CFAP47: variants seen among roughly 807,000 people sequenced by gnomAD.
The protein encoded by CFAP47 is cilia- and flagella-associated protein 47.
A neutral mutation model predicts 148.1 loss-of-function variants in CFAP47; 29 were observed. The ratio of observed to expected loss-of-function variants is 0.20; its 90% CI spans 0.15 to 0.27. The LOEUF (loss-of-function observed/expected upper bound fraction) is 0.27, where lower values mean the gene tolerates loss of function less well. Ranked by LOEUF, CFAP47 falls within the 10% of genes least tolerant of loss-of-function variation. CFAP47 has a pLI of 1.00. For missense variants in CFAP47, 1,872 were observed against 1,697.5 expected, an observed-to-expected ratio of 1.10 and a Z score of -1.81; for synonymous variants, 664 against 577.3, an observed-to-expected ratio of 1.15 and a Z score of -2.15.
Position 36,337,923 on chromosome X carries a change from G to A in CFAP47, c.8444-10206G>A, listed in dbSNP as rs931684126. On this transcript the variant is annotated intron_variant, in intron 57 of 63. Coordinates refer to ENST00000378653, the MANE Select transcript of CFAP47 (RefSeq NM_001304548.2). Reference sequence around the variant, plus strand: ...GCTCTGTCGCCCAGGCTGGAGTGCGGTGTGGCGCGATCTCGGCTCACTGCA... The same window carrying A: ...GCTCTGTCGCCCAGGCTGGAGTGCGATGTGGCGCGATCTCGGCTCACTGCA... Among the ~76,000 whole-genome samples, 4 of 97,132 alleles carry A rather than the reference G, an allele frequency of 4.1e-5. No homozygotes were observed. In the Admixed American group the frequency reaches 4.5e-4, roughly 11 times the overall value. The allele number at this position is 97,132 out of a possible 115,157, so 84.3% of individuals were successfully genotyped here. A position where few individuals can be genotyped will look rare whatever the true frequency, so the allele number is the denominator to read the frequency against.
chrX:36,100,531 G>A (rs1938358135), intron 32 of CFAP47, among the ~76,000 whole-genome samples: 1 of 111,947 alleles, frequency 8.9e-6, no homozygotes, highest in South Asian at 3.7e-4. Context: ...CCTGGTTTCA[G>A]TGCTTGAATA....
intron 50 of CFAP47, among the ~76,000 whole-genome samples, chrX:36,281,353 CTG>C (rs782282233): frequency 2.5e-4 from 28 of 112,194 alleles, no homozygotes; most frequent in Admixed American, 3.8e-4. Context: ...ATTTGTGTGT[CTG>C]TGTGTATTGA....
chrX:36,278,092 C>T (rs1556002966), intron 49 of CFAP47, among the ~76,000 whole-genome samples: 1 of 112,180 alleles, frequency 8.9e-6, no homozygotes, highest in Non-Finnish European at 1.9e-5. Flanking sequence ...AGCTCAAACA[C>T]CGTGCTGGGA....
intron 51 of CFAP47, among the ~76,000 whole-genome samples, chrX:36,295,141 A>T (rs1485829585): frequency 3.6e-5 from 4 of 112,136 alleles, no homozygotes; most frequent in African/African-American, 1.3e-4. Context: ...CCATCATTAA[A>T]CCGAAAAGAG....
rs1041633244 is a variant in CFAP47 at position 36,381,858 on chromosome X, T to A, written c.9354+2340T>A. Among the ~76,000 whole-genome samples, 6 of 110,061 alleles carry A rather than the reference T, an allele frequency of 5.5e-5. No homozygotes were observed. The East Asian group carries it at 1.7e-3, about 31-fold the overall frequency. ...ACACAGTAATATATAATACATAAGA[T>A]TATATATGATAGTGATTTCATTGAT... On this transcript the variant is annotated intron_variant, in intron 63 of 63. Coordinates refer to ENST00000378653, the MANE Select transcript of CFAP47 (RefSeq NM_001304548.2).
chrX:36,215,854 C>T lies in CFAP47; in HGVS notation c.6817+10744C>T, dbSNP rs782615562. The stretch of plus-strand genomic sequence containing the variant: ...TGTTTACCCTACCTCCATTAACTAA[C>T]CTTTGAGCCAGATGGCCCTCTCCGG... On this transcript the variant is annotated intron_variant, in intron 45 of 63. Coordinates refer to ENST00000378653, the MANE Select transcript of CFAP47 (RefSeq NM_001304548.2). Among the ~76,000 whole-genome samples, 388 of 111,701 alleles carry T rather than the reference C, an allele frequency of 3.5e-3. 4 individuals carry two copies. The highest frequency in any genetic ancestry group is 0.012 in the African/African-American group (378 of 30,742).
At position 35,975,289 on chromosome X, in the gene CFAP47, A is replaced by G. The variant is rs763237448; in HGVS notation, c.2397A>G (p.Ser799=). Residue 799 remains serine, a synonymous_variant, in exon 14 of 64, where the codon TCA becomes TCG. Transcript: ENST00000378653. ...LEELQKTNQF[S]YVILPTSSTY... ...AACTTCAGAAGACCAACCAATTTTCATACGTGATTCTACCTACATCCAGTA... is the reference window on the plus strand; with the variant it reads ...AACTTCAGAAGACCAACCAATTTTCGTACGTGATTCTACCTACATCCAGTA... 3 of 1,208,308 alleles carry G rather than the reference A, an allele frequency of 2.5e-6. No individual in the cohort carries two copies. The highest frequency in any genetic ancestry group is 4.4e-5 in the Admixed American group (2 of 45,893).
At chrX:36,105,465 C>A (rs939253367) in intron 33 of CFAP47, among the ~76,000 whole-genome samples, 1 of 111,581 alleles carries the variant, frequency 9.0e-6, no homozygotes, top group African/African-American at 3.3e-5. Context: ...TCAAACTTTA[C>A]AAGTAAGGGG....
intron 33 of CFAP47, among the ~76,000 whole-genome samples, chrX:36,120,752 T>TA (rs1475673557): frequency 9.0e-6 from 1 of 111,319 alleles, no homozygotes; most frequent in Non-Finnish European, 1.9e-5. Flanking sequence ...TTTTTTTTTT[T>TA]AAAGTTTGAA....
chrX:36,176,446 G>T (rs187190427), intron 39 of CFAP47, among the ~76,000 whole-genome samples: 1 of 112,279 alleles, frequency 8.9e-6, no homozygotes, highest in East Asian at 2.8e-4. Flanking sequence ...TGTTATCCTT[G>T]GATCAGTAGC....
chrX:35,962,292 A>G (rs1369934276), intron 8 of CFAP47, among the ~76,000 whole-genome samples: 2 of 111,766 alleles, frequency 1.8e-5, no homozygotes, highest in African/African-American at 6.5e-5. Flanking sequence ...AAAAATGTGC[A>G]TTCTACTGTA....
intron 49 of CFAP47, among the ~76,000 whole-genome samples, chrX:36,258,403 A>G (rs4466567): frequency 0.34 from 37,922 of 110,844 alleles, 7,060 homozygotes; most frequent in African/African-American, 0.72. Flanking sequence ...AATTTTCTTT[A>G]CAATGAGAGC....
chrX:36,312,478 T>A, intron 56 of CFAP47, among the ~76,000 whole-genome samples: 1 of 110,927 alleles, frequency 9.0e-6, no homozygotes, highest in South Asian at 3.8e-4. Context: ...AAAAAAAATA[T>A]GTGTTTGTGA....
chrX:36,294,648 C>T (rs1400159941), intron 51 of CFAP47, among the ~76,000 whole-genome samples: 1 of 110,324 alleles, frequency 9.1e-6, no homozygotes, highest in Non-Finnish European at 1.9e-5. Context: ...GGAGGCGGAG[C>T]TTGCAGTGAG....
At chrX:36,357,987 G>A in intron 60 of CFAP47, among the ~76,000 whole-genome samples, 1 of 111,379 alleles carries the variant, frequency 9.0e-6, no homozygotes, top group East Asian at 2.8e-4. Flanking sequence ...TGTCGTATTT[G>A]CCTGTTTTTT....
rs181332128 is a variant in CFAP47, at chrX:36,175,976, A to T, written c.6027-3369A>T. Among the ~76,000 whole-genome samples, 284 of 112,530 alleles carry T rather than the reference A, an allele frequency of 2.5e-3. 8 individuals carry two copies. In the East Asian group the frequency reaches 0.047, roughly 18 times the overall value. ...GACTCCGTGGGCGTAGGACCCTCCG[A>T]GCCAGGTGCGGGATATAATCTCCTG... On this transcript the variant is annotated intron_variant, in intron 39 of 63. Transcript: ENST00000378653.
chrX:36,188,204 G>C (rs1555985955), intron 40 of CFAP47, among the ~76,000 whole-genome samples: 2 of 111,511 alleles, frequency 1.8e-5, no homozygotes, highest in African/African-American at 6.5e-5. Context: ...AATAAACTTA[G>C]AGAAGGAAAT....
intron 25 of CFAP47, among the ~76,000 whole-genome samples, chrX:36,046,089 T>A (rs142821869): frequency 0.017 from 1,849 of 111,081 alleles, 45 homozygotes; most frequent in African/African-American, 0.057. Flanking sequence ...CTTTATTTTT[T>A]CTTATTAGCT....
chrX:36,203,742 G>T (rs1347549334), intron 44 of CFAP47, among the ~76,000 whole-genome samples: 1 of 111,800 alleles, frequency 8.9e-6, no homozygotes, highest in Non-Finnish European at 1.9e-5. Flanking sequence ...CTTACACTTA[G>T]AGACCTGGGC....
Sources: gnomAD v4.1 joint callset for allele counts (sites outside exome capture counted in the v4.1 genomes callset) on GRCh38, gnomAD v4.1.1 for gene constraint, MANE v1.5 for transcripts, NCBI Gene and HGNC (gene_info 2026-07-23, HGNC 2026-07-21) for gene names.